Variants in DDX10 observed in about 807,000 individuals in gnomAD.
DDX10 encodes the protein DEAD-box helicase 10.
In DDX10, 74 loss-of-function variants were observed where a neutral mutation model predicts 104.3. The observed-to-expected ratio is 0.71, with a 90% CI of 0.59 to 0.86. The LOEUF is 0.86. DDX10 is among the 40% of genes least tolerant of loss of function. The pLI is 0.00. For missense variants in DDX10, 952 were observed against 1,040.0 expected, an observed-to-expected ratio of 0.92 and a Z score of 1.16; for synonymous variants, 351 against 353.4, an observed-to-expected ratio of 0.99 and a Z score of 0.08.
chr11:108,852,224 A>G lies in DDX10; in HGVS notation c.2304+15A>G. On this transcript the variant is annotated intron_variant, in intron 16 of 17. Coordinates refer to ENST00000322536, the MANE Select transcript of DDX10 (RefSeq NM_004398.4). Reference sequence around the variant, plus strand: ...GACAAGCAAAGGTAAGGGTTTATATACATTTATTTTTCCAAGCTCTATTAA... The same window carrying G: ...GACAAGCAAAGGTAAGGGTTTATATGCATTTATTTTTCCAAGCTCTATTAA... The G allele has an allele frequency of 6.2e-7, 1 of 1,601,212 alleles. No individual in the cohort carries two copies. Among genetic ancestry groups the G allele is most frequent in the Non-Finnish European group, 8.5e-7 (1 of 1,172,378 alleles).
chr11:108,728,256 C>T (rs2094307695), intron 13 of DDX10, among the ~76,000 whole-genome samples: 1 of 152,030 alleles, frequency 6.6e-6, no homozygotes, highest in Non-Finnish European at 1.5e-5. Context: ...TCCAGGGCAC[C>T]AGAGATGATG....
intron 13 of DDX10, among the ~76,000 whole-genome samples, chr11:108,813,781 C>T (rs1222744292): frequency 6.6e-6 from 1 of 152,016 alleles, no homozygotes; most frequent in African/African-American, 2.4e-5. Context: ...TTATTTTGTT[C>T]TATATAACTA....
chr11:108,822,348 GT>G, intron 13 of DDX10: 6 of 366,336 alleles, frequency 1.6e-5, no homozygotes, highest in East Asian at 7.7e-5. Context: ...GATGAGTAGC[GT>G]TTTTGAGATT....
At position 108,722,241 on chromosome 11, in the gene DDX10, G is replaced by A. The variant is rs911709577; in HGVS notation, c.1500-756G>A. On this transcript the variant is annotated intron_variant, in intron 12 of 17. Transcript: ENST00000322536. ...AACCATGTCAGATAGGAAAAGAGCA[G>A]TGGGTCCATGTTATGATGTTACTGT... Among the ~76,000 whole-genome samples the A allele has an allele frequency of 1.3e-4, 20 of 152,300 alleles. 1 individual carries two copies. Among genetic ancestry groups the A allele is most frequent in the African/African-American group, 4.8e-4 (20 of 41,548 alleles).
At chr11:108,716,999 T>A (rs1409910945) in intron 11 of DDX10, among the ~76,000 whole-genome samples, 1 of 152,228 alleles carries the variant, frequency 6.6e-6, no homozygotes, top group Non-Finnish European at 1.5e-5. Flanking sequence ...TTCATTATGC[T>A]TTCCAATCTT....
chr11:108,878,890 A>G (rs117640026), intron 16 of DDX10, among the ~76,000 whole-genome samples: 2,939 of 152,254 alleles, frequency 0.019, 54 homozygotes, highest in Non-Finnish European at 0.029. Flanking sequence ...GTGAATAGCC[A>G]CTAAATGCAA....
At chr11:108,763,077 C>T (rs1022880698) in intron 13 of DDX10, among the ~76,000 whole-genome samples, 4 of 152,168 alleles carry the variant, frequency 2.6e-5, no homozygotes, top group African/African-American at 9.7e-5. Context: ...GATCCTTGAG[C>T]AGGCTTCACT....
intron 13 of DDX10, among the ~76,000 whole-genome samples, chr11:108,732,649 C>T (rs898176782): frequency 1.3e-5 from 2 of 152,040 alleles, no homozygotes; most frequent in Non-Finnish European, 2.9e-5. Flanking sequence ...AGAAGTGCCA[C>T]GAGTGATGAA....
At chr11:108,817,066 A>G (rs1174037558) in intron 13 of DDX10, among the ~76,000 whole-genome samples, 1 of 152,044 alleles carries the variant, frequency 6.6e-6, no homozygotes, top group African/African-American at 2.4e-5. Context: ...TAGGAACTGA[A>G]CTCTTGTTTG....
chr11:108,723,030 A>C lies in DDX10; in HGVS notation c.1533A>C (p.Arg511Ser), dbSNP rs943047466. The C allele has an allele frequency of 2.5e-6, 4 of 1,611,450 alleles. No individual in the cohort carries two copies. The highest frequency in any genetic ancestry group is 1.3e-5 in the African/African-American group (1 of 74,604). The change falls in exon 13 of 18, where the codon AGA becomes AGC. Residue 511 changes from arginine to serine, a missense_variant. Arg to Ser is a moderately radical substitution (Grantham distance 110). This residue lies in a region of DDX10 where 533 missense variants were observed against 534.1 expected (regional missense o/e 1.00). Coordinates refer to ENST00000322536, the MANE Select transcript of DDX10 (RefSeq NM_004398.4). ...GTCTTGCTGTGGCACCACGCGTAAG[A>C]TTTCTTCAGAAAATGCAGAAACAAC... ...SLGLAVAPRV[R>S]FLQKMQKQPT... is the part of the protein sequence containing the mutation.
chr11:108,679,238 A>T, intron 5 of DDX10, 133 bp from the exon 6 acceptor site: 1 of 731,522 alleles, frequency 1.4e-6, no homozygotes, highest in South Asian at 2.0e-5. Flanking sequence ...TAAATTCCAG[A>T]CTTTATTCAG....
chr11:108,841,434 T>G lies in DDX10; in HGVS notation c.2205T>G (p.Phe735Leu), dbSNP rs147274149. ...AKERLQEEDK[F>L]DKEEYRKKIK... ...AAAGACTTCAGGAAGAGGACAAATT[T>G]GACAAAGAAGAATATAGGAAAAAAA... The change falls in exon 15 of 18, where the codon TTT (phenylalanine) becomes TTG (leucine). Residue 735 changes from phenylalanine to leucine, a missense_variant. Coordinates refer to ENST00000322536, the MANE Select transcript of DDX10 (RefSeq NM_004398.4). 321 of 1,613,828 alleles carry G rather than the reference T, an allele frequency of 2.0e-4. No individual in the cohort carries two copies. The highest frequency in any genetic ancestry group is 2.5e-4 in the Non-Finnish European group (296 of 1,179,852).
At chr11:108,890,315 G>GT (rs1863358333) in intron 16 of DDX10, among the ~76,000 whole-genome samples, 1 of 152,180 alleles carries the variant, frequency 6.6e-6, no homozygotes, top group Non-Finnish European at 1.5e-5. Context: ...ATGATAAGCT[G>GT]TAGCTCCCAA....
At chr11:108,699,678 G>C (rs111418970) in intron 9 of DDX10, among the ~76,000 whole-genome samples, 2,091 of 152,298 alleles carry the variant, frequency 0.014, 31 homozygotes, top group Admixed American at 0.026. Context: ...TGTCAGTTCT[G>C]TTCCTTGTAG....
intron 12 of DDX10, 61 bp from the exon 13 acceptor site, chr11:108,722,936 G>A (rs992319380): frequency 4.7e-6 from 7 of 1,502,730 alleles, no homozygotes; most frequent in Non-Finnish European, 6.2e-6. Flanking sequence ...ACTCTTCTAT[G>A]ACACCTATAA....
chr11:108,706,789 C>T lies in DDX10; in HGVS notation c.1274C>T (p.Ala425Val), dbSNP rs1421479517. The change falls in exon 10 of 18, where the codon GCT becomes GTT. Residue 425 changes from alanine (A) to valine (V), a missense_variant. Physicochemically the swap from Ala to Val is moderately conservative, Grantham distance 64 (BLOSUM62 0). Around this residue, in one of 3 missense-constraint regions of DDX10, gnomAD observed 533 missense variants for 534.1 expected, o/e 1.00. Transcript: ENST00000322536. ...ALLILLPSEK[A>V]MVQQLLQKKV... ...CTAATTTTGCTACCCTCAGAAAAAG[C>T]TATGGTGCAGCAGCTTCTTCAGAAG... 6.2e-7 allele frequency: 1 copy of T among 1,613,898 alleles called. No individual in the cohort carries two copies. The highest frequency in any genetic ancestry group is 2.2e-5 in the East Asian group (1 of 44,876).
chr11:108,735,102 C>G (rs1212064701), intron 13 of DDX10, among the ~76,000 whole-genome samples: 1 of 152,152 alleles, frequency 6.6e-6, no homozygotes, highest in Non-Finnish European at 1.5e-5. Context: ...CTTTTCAATG[C>G]ATATTTTGAA....
intron 13 of DDX10, among the ~76,000 whole-genome samples, chr11:108,734,337 G>C (rs1249272575): frequency 1.3e-5 from 2 of 152,128 alleles, no homozygotes; most frequent in East Asian, 3.9e-4. Context: ...ATGCTCATTT[G>C]TCTTATAGGT....
At chr11:108,702,177 A>G (rs1379917712) in intron 9 of DDX10, among the ~76,000 whole-genome samples, 2 of 152,206 alleles carry the variant, frequency 1.3e-5, no homozygotes, top group Non-Finnish European at 2.9e-5. Flanking sequence ...GGTCTTAAAA[A>G]CATAGTTTTT....
Sources: allele counts gnomAD v4.1 joint callset (sites outside exome capture counted in the v4.1 genomes callset), GRCh38; gene constraint gnomAD v4.1.1; regional missense constraint gnomAD v4.1.1; transcripts MANE v1.5; gene names NCBI Gene and HGNC (gene_info 2026-07-23, HGNC 2026-07-21).